The following BIRC6 variants were observed in gnomAD, a reference collection of about 807,000 sequenced individuals.
The protein encoded by BIRC6 is dual E2 ubiquitin-conjugating enzyme/E3 ubiquitin-protein ligase BIRC6.
In BIRC6, 98 loss-of-function variants were observed where a neutral mutation model predicts 503.3. The observed-to-expected ratio is 0.19, with a 90% CI of 0.17 to 0.23. BIRC6 has a LOEUF of 0.23. Among genes scored for constraint, BIRC6 ranks in the 10% least tolerant of loss-of-function variants. The probability of loss-of-function intolerance (pLI) is 1.00; values close to 1 mark genes in which losing one functional copy is unlikely to be tolerated. For synonymous variants in BIRC6, 2,240 were observed against 2,078.7 expected (o/e 1.08, Z -2.11); for missense variants, 5,360 against 5,806.0 (o/e 0.92, Z 2.50).
chr2:32,436,027 A>C (rs199627990), intron 14 of BIRC6, 26 bp from the exon 15 acceptor site: 2 of 1,308,086 alleles, frequency 1.5e-6, no homozygotes, highest in Non-Finnish European at 2.0e-6. Flanking sequence ...TGAATTTAAA[A>C]GAAAAATATG....
At chr2:32,574,897 G>T (rs533293242) in intron 65 of BIRC6, 1 of 459,292 alleles carries the variant, frequency 2.2e-6, no homozygotes, top group Non-Finnish European at 4.0e-6. Context: ...ACAGGCATGC[G>T]CCATCCCACC....
At chr2:32,611,369 C>T (rs2062864666) in intron 72 of BIRC6, 79 bp from the exon 73 acceptor site, 1 of 1,133,878 alleles carries the variant, frequency 8.8e-7, no homozygotes, top group Non-Finnish European at 1.2e-6. Context: ...ATACATTTTA[C>T]TTCTTTGTAA....
At chr2:32,417,446 T>G (rs1471411438) in intron 10 of BIRC6, among the ~76,000 whole-genome samples, 1 of 151,840 alleles carries the variant, frequency 6.6e-6, no homozygotes, top group Non-Finnish European at 1.5e-5. Context: ...GCCTGGCCTA[T>G]TTTTTTTACT....
Position 32,485,738 on chromosome 2 carries a change from T to A in BIRC6, c.7792T>A (p.Leu2598Ile), listed in dbSNP as rs1430852431. Residue 2598 changes from leucine to isoleucine, a missense_variant, in exon 40 of 74, where the codon TTA becomes ATA. This residue lies in a region of BIRC6 where 2,299 missense variants were observed against 2,267.2 expected (regional missense o/e 1.01). Transcript: ENST00000421745. ...TLEADSILQALTNTSPTLSQS... is the reference protein window; with the variant it reads ...TLEADSILQAITNTSPTLSQS... ...GGAGGCAGATTCCATTTTACAGGCATTAACAAATACATCTCCTACATGTAA... is the reference window on the plus strand; with the variant it reads ...GGAGGCAGATTCCATTTTACAGGCAATAACAAATACATCTCCTACATGTAA... 1.9e-6 allele frequency: 3 copies of A among 1,608,696 alleles called. No individual in the cohort carries two copies. In the South Asian group the frequency reaches 3.3e-5, roughly 18 times the overall value.
chr2:32,596,732 A>G (rs886569681), intron 68 of BIRC6, among the ~76,000 whole-genome samples: 2 of 152,194 alleles, frequency 1.3e-5, no homozygotes, highest in Non-Finnish European at 2.9e-5. Flanking sequence ...CATCAAAAAT[A>G]TGTCAGCTAA....
rs753361162 is a variant in BIRC6 at position 32,505,105 on chromosome 2, C to G, written c.9600C>G (p.Ile3200Met). The G allele has an allele frequency of 3.1e-6, 5 of 1,611,260 alleles. No individual in the cohort carries two copies. Among genetic ancestry groups the G allele is most frequent in the South Asian group, 1.1e-5 (1 of 90,376 alleles). The change falls in exon 50 of 74, where the codon ATC becomes ATG. Residue 3200 changes from isoleucine (I) to methionine (M), a missense_variant. Ile to Met is a conservative substitution (Grantham distance 10). Transcript: ENST00000421745. ...RRARSAAWSY[I>M]FLPEEAWCDL... Reference sequence around the variant, plus strand: ...CTCGCTCTGCTGCTTGGTCCTACATCTTTCTTCCAGAGGAGGCTTGGTGTG... The same window carrying G: ...CTCGCTCTGCTGCTTGGTCCTACATGTTTCTTCCAGAGGAGGCTTGGTGTG...
intron 43 of BIRC6, 77 bp from the exon 44 acceptor site, chr2:32,491,348 A>G (rs2051684390): frequency 7.3e-7 from 1 of 1,368,098 alleles, no homozygotes; most frequent in Non-Finnish European, 9.7e-7. Context: ...CCTTGGAACT[A>G]AAAGATGCTT....
chr2:32,434,811 G>GACTGCACC (rs1443020043), intron 13 of BIRC6, among the ~76,000 whole-genome samples: 1 of 152,166 alleles, frequency 6.6e-6, no homozygotes, highest in African/African-American at 2.4e-5. Context: ...AGTGAGCTAT[G>GACTGCACC]ACTGCACCAC....
chr2:32,560,723 T>C (rs767947811), intron 65 of BIRC6, among the ~76,000 whole-genome samples: 1 of 152,120 alleles, frequency 6.6e-6, no homozygotes, highest in Non-Finnish European at 1.5e-5. Flanking sequence ...CCTGCCACCA[T>C]GCCCAGCTAA....
chr2:32,364,035 G>A (rs745353701), intron 1 of BIRC6, among the ~76,000 whole-genome samples: 5 of 152,196 alleles, frequency 3.3e-5, no homozygotes, highest in Non-Finnish European at 5.9e-5. Flanking sequence ...CTAAATGTCA[G>A]AATGAAGTTA....
In BIRC6 at chr2:32,375,587, G is replaced by A. The variant is rs537784020; in HGVS notation, c.326-2001G>A. Among the ~76,000 whole-genome samples, 16 of 152,202 alleles carry A rather than the reference G, an allele frequency of 1.1e-4. 1 individual carries two copies. Among genetic ancestry groups the A allele is most frequent in the East Asian group, 7.7e-4 (4 of 5,170 alleles). On this transcript the variant is annotated intron_variant, in intron 1 of 73. Transcript: ENST00000421745. ...CAGGCATGAGCCACCATGCCAGGCC[G>A]AAAAAGCCAAATTGCTTGATACGTA...
At chr2:32,464,039 G>A (rs1474314372) in intron 24 of BIRC6, among the ~76,000 whole-genome samples, 5 of 152,138 alleles carry the variant, frequency 3.3e-5, no homozygotes, top group Non-Finnish European at 5.9e-5. Context: ...GTTTCATCCC[G>A]AAACCAGTCC....
At chr2:32,435,435 T>C (rs1574185027) in intron 13 of BIRC6, 61 bp from the exon 14 acceptor site, 1 of 1,442,790 alleles carries the variant, frequency 6.9e-7, no homozygotes. Flanking sequence ...TTAAGTTTAC[T>C]AATATTTTTA....
At chr2:32,496,659 T>C (rs2052511940) in intron 45 of BIRC6, among the ~76,000 whole-genome samples, 2 of 152,320 alleles carry the variant, frequency 1.3e-5, no homozygotes, top group Middle Eastern at 3.4e-3. Context: ...TCTTTATTTT[T>C]AGAGTTATTT....
intron 4 of BIRC6, among the ~76,000 whole-genome samples, chr2:32,390,454 G>A (rs2039080647): frequency 6.6e-6 from 1 of 152,118 alleles, no homozygotes; most frequent in South Asian, 2.1e-4. Context: ...ACAGGCGTGA[G>A]CCACTGCACC....
chr2:32,501,074 G>A (rs1264146859), intron 46 of BIRC6, among the ~76,000 whole-genome samples: 1 of 152,154 alleles, frequency 6.6e-6, no homozygotes, highest in Non-Finnish European at 1.5e-5. Context: ...ACAAACCAGT[G>A]TTAAATTTAT....
intron 61 of BIRC6, among the ~76,000 whole-genome samples, chr2:32,537,526 A>C (rs1471400336): frequency 2.0e-5 from 3 of 152,234 alleles, no homozygotes; most frequent in Admixed American, 1.3e-4. Flanking sequence ...TCATCCTAGA[A>C]TTTTATACTC....
In BIRC6 at chr2:32,468,472, T is replaced by G. The variant is rs2048790866; in HGVS notation, c.5816T>G (p.Leu1939Trp). 3 of 1,593,664 alleles carry G rather than the reference T, an allele frequency of 1.9e-6. No homozygotes were observed. The highest frequency in any genetic ancestry group is 2.6e-6 in the Non-Finnish European group (3 of 1,169,170). ...GCTTGTCATCGTCTGGAAACCCTTTTGCAAAGTATTGATCTTCCTCCTCTA... is the reference window on the plus strand; with the variant it reads ...GCTTGTCATCGTCTGGAAACCCTTTGGCAAAGTATTGATCTTCCTCCTCTA... Reference protein sequence around the residue: ...NLACHRLETLLQSIDLPPLNS... With the variant: ...NLACHRLETLWQSIDLPPLNS... Residue 1939 changes from leucine (L) to tryptophan (W), a missense_variant, in exon 29 of 74, where the codon TTG (leucine) becomes TGG (tryptophan). Physicochemically the swap from Leu to Trp is moderately conservative, Grantham distance 61. This residue lies in a region of BIRC6 where 2,299 missense variants were observed against 2,267.2 expected (regional missense o/e 1.01). Coordinates refer to ENST00000421745, the MANE Select transcript of BIRC6 (RefSeq NM_016252.4).
Position 32,435,388 on chromosome 2 carries a change from AT to A in BIRC6, c.3410-103del, listed in dbSNP as rs1415876853. On this transcript the variant is annotated intron_variant, in intron 13 of 73. Coordinates refer to ENST00000421745, the MANE Select transcript of BIRC6 (RefSeq NM_016252.4). ...TTCCCAAGTTAACAGGAAATTTTAG[AT>A]TTTTCAGGCACATAAATCATTGATA... The A allele has an allele frequency of 5.4e-5, 66 of 1,231,202 alleles. 1 individual carries two copies. In the Middle Eastern group the frequency reaches 1.1e-3, roughly 20 times the overall value. The allele number at this position is 1,231,202 out of a possible 1,614,324, so 76.3% of individuals were successfully genotyped here. A position where few individuals can be genotyped will look rare whatever the true frequency, so the allele number is the denominator to read the frequency against.
Sources: allele counts gnomAD v4.1 joint callset (sites outside exome capture counted in the v4.1 genomes callset), GRCh38; gene constraint gnomAD v4.1.1; regional missense constraint gnomAD v4.1.1; transcripts MANE v1.5; gene names NCBI Gene and HGNC (gene_info 2026-07-23, HGNC 2026-07-21).